Variants in PRDM16 observed in about 807,000 individuals in gnomAD.
The protein encoded by PRDM16 is histone-lysine N-methyltransferase PRDM16.
Under a neutral mutation model 110.6 loss-of-function variants are expected in PRDM16, and 23 were observed. The observed-to-expected ratio is 0.21, with a 90% CI of 0.15 to 0.29. The LOEUF (loss-of-function observed/expected upper bound fraction) is 0.29. PRDM16 is among the 10% of genes least tolerant of loss of function. The pLI, the probability that PRDM16 is intolerant of heterozygous loss-of-function variation, is 1.00. For missense variants in PRDM16, 1,615 were observed against 1,794.3 expected (o/e 0.90, Z 1.81); for synonymous variants, 799 against 781.8 (o/e 1.02, Z -0.37).
At chr1:3,417,741 C>A in intron 10 of PRDM16, 87 bp from the exon 11 acceptor site, 2 of 1,133,418 alleles carry the variant, frequency 1.8e-6, no homozygotes, top group Non-Finnish European at 2.7e-6. Context: ...CTAAGATATG[C>A]TGTTGTACAG....
intron 1 of PRDM16, among the ~76,000 whole-genome samples, chr1:3,181,927 G>T (rs1467645465): frequency 1.3e-5 from 2 of 148,286 alleles, no homozygotes; most frequent in African/African-American, 4.9e-5. Flanking sequence ...CTTACACATG[G>T]TCTTACACAT....
intron 3 of PRDM16, among the ~76,000 whole-genome samples, chr1:3,297,226 C>T (rs1324210353): frequency 3.3e-5 from 5 of 151,280 alleles, no homozygotes; most frequent in African/African-American, 1.2e-4. Flanking sequence ...CTGTCCATTT[C>T]GGGTGAGACC....
At chr1:3,232,650 G>T (rs1029730072) in intron 2 of PRDM16, among the ~76,000 whole-genome samples, 5 of 152,170 alleles carry the variant, frequency 3.3e-5, no homozygotes, top group African/African-American at 7.2e-5. Flanking sequence ...AGGGCCAAGG[G>T]GGGTAGTGAC....
chr1:3,315,279 G>A (rs906174771), intron 3 of PRDM16, among the ~76,000 whole-genome samples: 1 of 149,794 alleles, frequency 6.7e-6, no homozygotes, highest in African/African-American at 2.5e-5. Context: ...AAATCAAGCT[G>A]CCATGGTTAC....
intron 1 of PRDM16, among the ~76,000 whole-genome samples, chr1:3,135,554 C>T (rs1023484480): frequency 2.0e-4 from 30 of 152,250 alleles, no homozygotes; most frequent in African/African-American, 6.5e-4. Context: ...CCAGCCCGAC[C>T]GAGCCCTCCC....
chr1:3,105,868 C>G (rs1010272665), intron 1 of PRDM16, among the ~76,000 whole-genome samples: 2 of 150,586 alleles, frequency 1.3e-5, no homozygotes, highest in Non-Finnish European at 2.9e-5. Flanking sequence ...GGCAGCTAGG[C>G]CAGGCCGGCC....
intron 1 of PRDM16, among the ~76,000 whole-genome samples, chr1:3,147,231 G>A (rs1201250764): frequency 2.0e-5 from 3 of 152,060 alleles, no homozygotes; most frequent in East Asian, 1.9e-4. Flanking sequence ...GTGCACACGT[G>A]TGCATTCACT....
chr1:3,392,798 C>T lies in PRDM16; in HGVS notation c.574-3693C>T, dbSNP rs543156491. The stretch of plus-strand genomic sequence containing the variant: ...GCCTGGGCTGACTCTAGGCTCTTCT[C>T]GGGCAATTTCTCTGCCTTCTGTTGA... On this transcript the variant is annotated intron_variant, in intron 4 of 16. Coordinates refer to ENST00000270722, the MANE Select transcript of PRDM16 (RefSeq NM_022114.4). 6.6e-5 allele frequency among the ~76,000 whole-genome samples: 10 copies of T among 152,298 alleles called. 1 individual carries two copies. The highest frequency in any genetic ancestry group is 6.8e-3 in the Middle Eastern group (2 of 294).
At chr1:3,397,448 T>TA (rs539119800) in intron 5 of PRDM16, among the ~76,000 whole-genome samples, 35 of 152,366 alleles carry the variant, frequency 2.3e-4, no homozygotes, top group African/African-American at 8.2e-4. Flanking sequence ...ATTCCTGCCT[T>TA]CACGTCATGA....
chr1:3,214,874 G>A (rs76981837), intron 2 of PRDM16, among the ~76,000 whole-genome samples: 1,750 of 152,260 alleles, frequency 0.011, 23 homozygotes, highest in African/African-American at 0.029. Flanking sequence ...GGATGCTTCT[G>A]TGGTGAATAC....
At chr1:3,225,404 G>A (rs779613174) in intron 2 of PRDM16, among the ~76,000 whole-genome samples, 11 of 152,206 alleles carry the variant, frequency 7.2e-5, no homozygotes, top group Admixed American at 3.3e-4. Context: ...CCTTTAGTGC[G>A]TGCCTGTGTG....
At chr1:3,103,665 G>A (rs1347694554) in intron 1 of PRDM16, among the ~76,000 whole-genome samples, 4 of 152,188 alleles carry the variant, frequency 2.6e-5, no homozygotes, top group East Asian at 1.9e-4. Context: ...AGGAGGGGAC[G>A]AGAGTTCTGT....
At chr1:3,410,832 G>A (rs572939380) in intron 8 of PRDM16, among the ~76,000 whole-genome samples, 1 of 152,242 alleles carries the variant, frequency 6.6e-6, no homozygotes, top group South Asian at 2.1e-4. Context: ...ACATGCATTC[G>A]CTTTCCCCGT....
At chr1:3,408,910 G>C (rs1313124219) in intron 8 of PRDM16, among the ~76,000 whole-genome samples, 1 of 146,548 alleles carries the variant, frequency 6.8e-6, no homozygotes, top group African/African-American at 2.6e-5. Flanking sequence ...GAGGGTGGGC[G>C]TGTGAGCCAG....
intron 3 of PRDM16, among the ~76,000 whole-genome samples, chr1:3,323,686 C>G (rs562398349): frequency 6.6e-6 from 1 of 152,352 alleles, no homozygotes; most frequent in East Asian, 1.9e-4. Flanking sequence ...TGGGAGCGGC[C>G]GCACTTCCCC....
intron 2 of PRDM16, among the ~76,000 whole-genome samples, chr1:3,220,078 T>TG (rs1430453784): frequency 6.6e-6 from 1 of 152,192 alleles, no homozygotes; most frequent in African/African-American, 2.4e-5. Flanking sequence ...AGGATCTAAA[T>TG]GGGTTTGCCT....
At chr1:3,181,196 T>G (rs1197854345) in intron 1 of PRDM16, among the ~76,000 whole-genome samples, 1 of 126,058 alleles carries the variant, frequency 7.9e-6, no homozygotes, top group Non-Finnish European at 1.7e-5. Context: ...AGTCTTACGG[T>G]CTTACACACG....
intron 1 of PRDM16, among the ~76,000 whole-genome samples, chr1:3,117,995 CGTGTGTGCGT>C (rs1643000493): frequency 6.6e-6 from 1 of 150,820 alleles, no homozygotes; most frequent in Non-Finnish European, 1.5e-5. Flanking sequence ...TACATGCACG[CGTGTGTGCGT>C]GTGCGTGTGT....
chr1:3,193,845 T>G (rs1456366685), intron 2 of PRDM16, among the ~76,000 whole-genome samples: 1 of 152,110 alleles, frequency 6.6e-6, no homozygotes, highest in Non-Finnish European at 1.5e-5. Context: ...TCCCCTTCAC[T>G]GTGTGTTCGT....
Sources: gnomAD v4.1 joint callset for allele counts (sites outside exome capture counted in the v4.1 genomes callset) on GRCh38, gnomAD v4.1.1 for gene constraint, MANE v1.5 for transcripts, NCBI Gene and HGNC (gene_info 2026-07-23, HGNC 2026-07-21) for gene names.